Variants in FREM1 observed in about 807,000 individuals in gnomAD.
FREM1 encodes FRAS1-related extracellular matrix protein 1.
In FREM1, 220 loss-of-function variants were observed where a neutral mutation model predicts 210.1. That is an observed-to-expected ratio of 1.05 (90% confidence interval 0.94 to 1.17). The LOEUF (loss-of-function observed/expected upper bound fraction) is 1.17. FREM1 is among the 50% of genes most tolerant of loss of function. FREM1 has a pLI of 0.00. For synonymous variants in FREM1, 1,189 were observed against 980.2 expected (o/e 1.21, Z -3.98); for missense variants, 3,454 against 2,675.5 (o/e 1.29, Z -6.42).
At chr9:14,861,252 CATATAT>C (rs1408085766) in intron 3 of FREM1, among the ~76,000 whole-genome samples, 18,929 of 94,636 alleles carry the variant, frequency 0.2, 3,502 homozygotes, top group African/African-American at 0.28. Flanking sequence ...CACATATATA[CATATAT>C]ACACATATAC....
chr9:14,848,689 C>T lies in FREM1; in HGVS notation c.1237G>A (p.Ala413Thr). 2 of 1,609,408 alleles carry T rather than the reference C, an allele frequency of 1.2e-6. No individual in the cohort carries two copies. The highest frequency in any genetic ancestry group is 8.5e-7 in the Non-Finnish European group (1 of 1,176,202). ...HISIRTADTN[A>T]PRVSWNTGLS... ...CCTGTATTCCAGGATACACGGGGGGCATTTGTATCTGCTGTTCTGATGGAG... is the reference window on the plus strand; with the variant it reads ...CCTGTATTCCAGGATACACGGGGGGTATTTGTATCTGCTGTTCTGATGGAG... The change falls in exon 7 of 37, where the codon GCC becomes ACC. Residue 413 changes from alanine (A) to threonine (T), a missense_variant. By Grantham distance (58) the Ala-to-Thr change is moderately conservative. Coordinates refer to ENST00000380880, the MANE Select transcript of FREM1 (RefSeq NM_001379081.2).
At chr9:14,749,620 G>T (rs1487160536) in intron 30 of FREM1, among the ~76,000 whole-genome samples, 1 of 152,210 alleles carries the variant, frequency 6.6e-6, no homozygotes, top group Non-Finnish European at 1.5e-5. Context: ...TCCAGGACCT[G>T]TTTGGCGCTG....
At position 14,824,816 on chromosome 9, in the gene FREM1, T is replaced by C. The variant is rs528542010; in HGVS notation, c.2058A>G (p.Pro686=). 48 of 1,611,592 alleles carry C rather than the reference T, an allele frequency of 3.0e-5. No individual in the cohort carries two copies. The highest frequency in any genetic ancestry group is 4.1e-5 in the Non-Finnish European group (48 of 1,178,790). Reference sequence around the variant, plus strand: ...GATACCTGTGGCTGAAGGAGAAAAATGGAGGAGTAGTTATTGTGTAGACCA... The same window carrying C: ...GATACCTGTGGCTGAAGGAGAAAAACGGAGGAGTAGTTATTGTGTAGACCA... ...RELVYTITTP[P]FFSFSHRHLD... Residue 686 remains proline (P), a synonymous_variant, in exon 11 of 37, where the codon CCA becomes CCG. Transcript: ENST00000380880.
intron 24 of FREM1, among the ~76,000 whole-genome samples, chr9:14,778,685 G>GAAGGGAAGGGAAGGGAAGGC (rs1421722567): frequency 0.011 from 180 of 16,640 alleles, 3 homozygotes; most frequent in African/African-American, 0.027. Flanking sequence ...GGGAGGGAGG[G>GAAGGGAAGGGAAGGGAAGGC]AAGGGAAGGG....
At chr9:14,797,173 G>A (rs1423818164) in intron 21 of FREM1, among the ~76,000 whole-genome samples, 1 of 152,218 alleles carries the variant, frequency 6.6e-6, no homozygotes, top group Non-Finnish European at 1.5e-5. Context: ...TTTGGTAGGT[G>A]TGCAGTCACG....
At chr9:14,758,946 A>T (rs1478662021) in intron 28 of FREM1, among the ~76,000 whole-genome samples, 2 of 152,070 alleles carry the variant, frequency 1.3e-5, no homozygotes, top group Non-Finnish European at 2.9e-5. Context: ...GGCTTGGACA[A>T]CTCTTAAGAT....
intron 23 of FREM1, among the ~76,000 whole-genome samples, chr9:14,786,547 T>C (rs1296546976): frequency 6.6e-6 from 1 of 152,206 alleles, no homozygotes; most frequent in Non-Finnish European, 1.5e-5. Flanking sequence ...TGGCAATGTC[T>C]GGAGACATTT....
intron 36 of FREM1, 97 bp from the exon 37 acceptor site, chr9:14,737,692 G>A (rs1486384261): frequency 4.0e-6 from 4 of 991,040 alleles, no homozygotes; most frequent in African/African-American, 1.7e-5. Flanking sequence ...TCACATGCAA[G>A]TGTGGGCCCA....
At chr9:14,798,779 T>G (rs902482709) in intron 20 of FREM1, among the ~76,000 whole-genome samples, 1 of 152,032 alleles carries the variant, frequency 6.6e-6, no homozygotes, top group African/African-American at 2.4e-5. Flanking sequence ...GTTCAAGCGA[T>G]TCTCATGCCT....
chr9:14,894,620 G>C (rs902812451), intron 1 of FREM1, among the ~76,000 whole-genome samples: 3 of 152,120 alleles, frequency 2.0e-5, no homozygotes, highest in African/African-American at 7.2e-5. Flanking sequence ...TTTACTTTTT[G>C]CTTAAAACGG....
chr9:14,770,801 G>C lies in FREM1; in HGVS notation c.4863C>G (p.Asp1621Glu). The change falls in exon 26 of 37, where the codon GAC (aspartate) becomes GAG (glutamate). Residue 1621 changes from aspartate (D) to glutamate (E), a missense_variant. Coordinates refer to ENST00000380880, the MANE Select transcript of FREM1 (RefSeq NM_001379081.2). Reference sequence around the variant, plus strand: ...TACGAGGAGCTGTTTTGTCCAATTGGTCTACCTGGATCATCAACAATGACA... The same window carrying C: ...TACGAGGAGCTGTTTTGTCCAATTGCTCTACCTGGATCATCAACAATGACA... Reference protein sequence around the residue: ...EEPVLFTIQVDQLDKTAPRIT... With the variant: ...EEPVLFTIQVEQLDKTAPRIT... The C allele has an allele frequency of 6.2e-7, 1 of 1,610,358 alleles. No homozygotes were observed. The highest frequency in any genetic ancestry group is 8.5e-7 in the Non-Finnish European group (1 of 1,177,914).
In FREM1 at chr9:14,857,421, T is replaced by A; in HGVS notation, c.828+132A>T. On this transcript the variant is annotated intron_variant, in intron 5 of 36. Transcript: ENST00000380880. ...AGAACCAACAAGCCTGCAGTTCCAA[T>A]GAGTCGCTGGCAGTTTTACCCCCAA... The A allele has an allele frequency of 1.0e-5, 8 of 803,878 alleles. No individual in the cohort carries two copies. In the South Asian group the frequency reaches 1.1e-4, roughly 11 times the overall value. 49.8% of individuals were successfully genotyped at this position (803,878 alleles called of 1,614,324 possible). A position where few individuals can be genotyped will look rare whatever the true frequency, so the allele number is the denominator to read the frequency against.
At chr9:14,816,252 G>C (rs1203144282) in intron 15 of FREM1, among the ~76,000 whole-genome samples, 1 of 152,160 alleles carries the variant, frequency 6.6e-6, no homozygotes, top group Admixed American at 6.5e-5. Context: ...AGATTAGAGA[G>C]AGACAATAGC....
chr9:14,773,963 T>TAA (rs56026840), intron 25 of FREM1: 3 of 414,012 alleles, frequency 7.2e-6, no homozygotes, highest in African/African-American at 2.1e-5. Context: ...GAGTTAGGAA[T>TAA]AAAAAAAAGA....
chr9:14,824,985 G>A lies in FREM1; in HGVS notation c.1889C>T (p.Thr630Ile). 4 of 1,572,236 alleles carry A rather than the reference G, an allele frequency of 2.5e-6. No individual in the cohort carries two copies. In the South Asian group the frequency reaches 4.9e-5, roughly 19 times the overall value. The change falls in exon 11 of 37, where the codon ACA (threonine) becomes ATA (isoleucine). Residue 630 changes from threonine to isoleucine, a missense_variant. Transcript: ENST00000380880. ...PPNLSVPQVATIHITPVDDQL... is the reference protein window; with the variant it reads ...PPNLSVPQVAIIHITPVDDQL... ...GTCATCCACTGGAGTTATATGGATT[G>A]TTGCCACCTGGAATAAAAATGTCTG... is the stretch of plus-strand genomic sequence containing the variant.
intron 29 of FREM1, among the ~76,000 whole-genome samples, chr9:14,752,705 G>C (rs922663221): frequency 2.0e-5 from 3 of 152,106 alleles, no homozygotes; most frequent in Non-Finnish European, 2.9e-5. Flanking sequence ...TGAATAATAT[G>C]ATTATTAGTA....
At chr9:14,875,200 T>A (rs931749342) in intron 1 of FREM1, among the ~76,000 whole-genome samples, 1 of 152,196 alleles carries the variant, frequency 6.6e-6, no homozygotes, top group Non-Finnish European at 1.5e-5. Context: ...ATTTCCTGAA[T>A]CTGAATGTTG....
chr9:14,852,863 C>G (rs554650566), intron 5 of FREM1, among the ~76,000 whole-genome samples: 2 of 152,182 alleles, frequency 1.3e-5, no homozygotes, highest in African/African-American at 4.8e-5. Context: ...GCTAAAGTTC[C>G]AATAAAAGAG....
chr9:14,863,421 T>C (rs1036949819), intron 3 of FREM1, among the ~76,000 whole-genome samples: 2 of 152,000 alleles, frequency 1.3e-5, no homozygotes, highest in African/African-American at 4.8e-5. Context: ...ACTAAACAGC[T>C]GGTAACAAAA....
Sources: allele counts gnomAD v4.1 joint callset (sites outside exome capture counted in the v4.1 genomes callset), GRCh38; gene constraint gnomAD v4.1.1; transcripts MANE v1.5; gene names NCBI Gene and HGNC (gene_info 2026-07-23, HGNC 2026-07-21).